Variants in GHR observed in about 807,000 individuals in gnomAD.
The protein encoded by GHR is growth hormone receptor, also known as GH receptor.
GHR carries 35 observed loss-of-function variants against 67.1 expected under a neutral mutation model. The observed-to-expected ratio is 0.52, with a 90% CI of 0.40 to 0.69. GHR has a LOEUF of 0.69. GHR is among the 30% of genes least tolerant of loss of function. GHR has a pLI of 0.00. For synonymous variants in GHR, 272 were observed against 269.1 expected, an observed-to-expected ratio of 1.01 and a Z score of -0.10; for missense variants, 792 against 764.6, an observed-to-expected ratio of 1.04 and a Z score of -0.42.
intron 1 of GHR, among the ~76,000 whole-genome samples, chr5:42,459,166 A>C (rs889136797): frequency 6.6e-6 from 1 of 152,204 alleles, no homozygotes; most frequent in Admixed American, 6.5e-5. Flanking sequence ...TATAAACCCA[A>C]AGGAATATAA....
chr5:42,505,902 C>T (rs1746753738), intron 1 of GHR, among the ~76,000 whole-genome samples: 1 of 152,110 alleles, frequency 6.6e-6, no homozygotes, highest in African/African-American at 2.4e-5. Context: ...TCATACCATT[C>T]ATGCATATTA....
At chr5:42,690,174 A>G (rs1343166544) in intron 4 of GHR, among the ~76,000 whole-genome samples, 1 of 152,240 alleles carries the variant, frequency 6.6e-6, no homozygotes, top group East Asian at 1.9e-4. Context: ...CGTTAGTCAG[A>G]GGATGACATT....
At chr5:42,566,959 A>G (rs192996841) in intron 2 of GHR, among the ~76,000 whole-genome samples, 8 of 152,326 alleles carry the variant, frequency 5.3e-5, no homozygotes, top group Admixed American at 3.3e-4. Flanking sequence ...ATGTTATTTT[A>G]TCTCTTAAAG....
At chr5:42,434,383 G>A (rs1743231030) in intron 1 of GHR, among the ~76,000 whole-genome samples, 1 of 152,178 alleles carries the variant, frequency 6.6e-6, no homozygotes, top group African/African-American at 2.4e-5. Context: ...AGTCAGAAAT[G>A]CTAAATTTCT....
intron 1 of GHR, among the ~76,000 whole-genome samples, chr5:42,550,723 C>T (rs949151353): frequency 5.3e-5 from 8 of 152,028 alleles, no homozygotes; most frequent in African/African-American, 9.7e-5. Flanking sequence ...GGGTAGCCAC[C>T]GATGGGGGAA....
At chr5:42,494,315 C>T (rs549845726) in intron 1 of GHR, among the ~76,000 whole-genome samples, 6 of 152,186 alleles carry the variant, frequency 3.9e-5, no homozygotes, top group African/African-American at 1.4e-4. Flanking sequence ...GTTCTTGCCT[C>T]CCTATTTTCC....
intron 2 of GHR, among the ~76,000 whole-genome samples, chr5:42,600,803 A>G (rs1752334785): frequency 6.6e-6 from 1 of 151,960 alleles, no homozygotes; most frequent in Non-Finnish European, 1.5e-5. Context: ...CTCTAGCCCA[A>G]TATTTGCTGA....
intron 3 of GHR, among the ~76,000 whole-genome samples, chr5:42,667,925 C>T (rs1756074897): frequency 6.6e-6 from 1 of 152,180 alleles, no homozygotes; most frequent in Non-Finnish European, 1.5e-5. Context: ...TTAATCACTA[C>T]TTTCTGTGAT....
At chr5:42,496,719 C>G (rs1332641196) in intron 1 of GHR, among the ~76,000 whole-genome samples, 1 of 152,124 alleles carries the variant, frequency 6.6e-6, no homozygotes, top group East Asian at 1.9e-4. Flanking sequence ...TGTAATTTAT[C>G]CCCTTAGTTG....
At chr5:42,428,062 C>G (rs768553012) in intron 1 of GHR, among the ~76,000 whole-genome samples, 14 of 152,186 alleles carry the variant, frequency 9.2e-5, no homozygotes, top group Non-Finnish European at 1.3e-4. Context: ...TGTAGAGGAT[C>G]CAACCCCACA....
At position 42,685,625 on chromosome 5, in the gene GHR, T is replaced by C. The variant is rs544029353; in HGVS notation, c.137-3265T>C. Among the ~76,000 whole-genome samples the C allele has an allele frequency of 5.7e-3, 861 of 152,334 alleles. 6 individuals are homozygous for C. The highest frequency in any genetic ancestry group is 0.02 in the African/African-American group (815 of 41,584). On this transcript the variant is annotated intron_variant, in intron 3 of 9. Coordinates refer to ENST00000230882, the MANE Select transcript of GHR (RefSeq NM_000163.5). ...CATCTGTTTTTTCCTGACTTTTTAA[T>C]GATCGCCATTCTAACTGGTGTGAAA...
intron 3 of GHR, among the ~76,000 whole-genome samples, chr5:42,673,527 G>T (rs1033947461): frequency 3.3e-5 from 5 of 152,154 alleles, no homozygotes; most frequent in African/African-American, 9.7e-5. Context: ...CAACCTAGGT[G>T]CCCAACAAAG....
chr5:42,701,618 A>T (rs1757934234), intron 6 of GHR, among the ~76,000 whole-genome samples: 1 of 152,170 alleles, frequency 6.6e-6, no homozygotes, highest in Non-Finnish European at 1.5e-5. Flanking sequence ...GCTTCAAGAA[A>T]AACAACTGAC....
At chr5:42,682,355 C>G (rs1756927627) in intron 3 of GHR, among the ~76,000 whole-genome samples, 1 of 152,166 alleles carries the variant, frequency 6.6e-6, no homozygotes, top group Admixed American at 6.5e-5. Context: ...AGAAATATTA[C>G]TAGTTCAGAA....
At chr5:42,457,970 A>G (rs1418708429) in intron 1 of GHR, among the ~76,000 whole-genome samples, 1 of 152,252 alleles carries the variant, frequency 6.6e-6, no homozygotes, top group Non-Finnish European at 1.5e-5. Flanking sequence ...GGATATTTCT[A>G]GAATCAGGTG....
chr5:42,719,622 T>C lies in GHR; in HGVS notation c.*198T>C, dbSNP rs746256631. On this transcript the variant is annotated 3_prime_UTR_variant, in exon 10 of 10. Coordinates refer to ENST00000230882, the MANE Select transcript of GHR (RefSeq NM_000163.5). Reference sequence around the variant, plus strand: ...GAATGCTTAATCAGATAGATATTCCTATTGTGCAATGTAAATATTTTAAAG... The same window carrying C: ...GAATGCTTAATCAGATAGATATTCCCATTGTGCAATGTAAATATTTTAAAG... 10 of 608,356 alleles carry C rather than the reference T, an allele frequency of 1.6e-5. No homozygotes were observed. Among genetic ancestry groups the C allele is most frequent in the Non-Finnish European group, 3.0e-5 (10 of 337,662 alleles). 37.7% of individuals were successfully genotyped at this position (608,356 alleles called of 1,614,324 possible).
chr5:42,427,277 C>T (rs767939008), intron 1 of GHR, among the ~76,000 whole-genome samples: 2 of 152,186 alleles, frequency 1.3e-5, no homozygotes, highest in Non-Finnish European at 2.9e-5. Context: ...TTAATGGATT[C>T]ACAGTTCCAC....
chr5:42,547,300 C>T (rs1250255873), intron 1 of GHR, among the ~76,000 whole-genome samples: 2 of 152,258 alleles, frequency 1.3e-5, no homozygotes, highest in Middle Eastern at 3.4e-3. Flanking sequence ...AAATCATGAA[C>T]GGTCTTCTTG....
Position 42,545,272 on chromosome 5 carries a change from G to A in GHR, c.-11-20592G>A, listed in dbSNP as rs1365763178. ...TAGCTGAGCTAGGTTGATTTCATTT[G>A]AATCAACAAAGAATTGCTAAAAGCT... On this transcript the variant is annotated intron_variant, in intron 1 of 9. Transcript: ENST00000230882. Among the ~76,000 whole-genome samples, 4 of 152,032 alleles carry A rather than the reference G, an allele frequency of 2.6e-5. No individual in the cohort carries two copies. In the East Asian group the frequency reaches 7.7e-4, roughly 29 times the overall value.
Sources: gnomAD v4.1 joint callset for allele counts (sites outside exome capture counted in the v4.1 genomes callset) on GRCh38, gnomAD v4.1.1 for gene constraint, MANE v1.5 for transcripts, NCBI Gene and HGNC (gene_info 2026-07-23, HGNC 2026-07-21) for gene names.